Variants in SRGAP3 observed in about 807,000 individuals in gnomAD.
SRGAP3 encodes the protein SLIT-ROBO Rho GTPase-activating protein 3.
In SRGAP3, 39 loss-of-function variants were observed where a neutral mutation model predicts 121.1. The ratio of observed to expected loss-of-function variants is 0.32; its 90% CI spans 0.25 to 0.42. SRGAP3 has a LOEUF of 0.42. SRGAP3 is among the 10% of genes least tolerant of loss of function. The probability of loss-of-function intolerance (pLI) is 1.00; values close to 1 mark genes in which losing one functional copy is unlikely to be tolerated. For synonymous variants in SRGAP3, 601 were observed against 570.0 expected, an observed-to-expected ratio of 1.05 and a Z score of -0.77; for missense variants, 1,213 against 1,470.6, an observed-to-expected ratio of 0.82 and a Z score of 2.86.
chr3:9,305,106 A>G (rs1024762836), intron 3 of SRGAP3, among the ~76,000 whole-genome samples: 2 of 152,198 alleles, frequency 1.3e-5, no homozygotes, highest in Non-Finnish European at 2.9e-5. Flanking sequence ...ATTGGAAGAA[A>G]CATCTAAGAA....
At chr3:9,175,612 A>G (rs1223476452) in intron 1 of SRGAP3, among the ~76,000 whole-genome samples, 1 of 152,222 alleles carries the variant, frequency 6.6e-6, no homozygotes, top group Non-Finnish European at 1.5e-5. Flanking sequence ...CCCCCAGGCA[A>G]TGAGGATGCA....
intron 1 of SRGAP3, among the ~76,000 whole-genome samples, chr3:9,347,606 A>G (rs74407412): frequency 1.3e-5 from 2 of 152,304 alleles, no homozygotes; most frequent in Non-Finnish European, 2.9e-5. Flanking sequence ...TAGAATATGA[A>G]AGACTAGCAG....
At chr3:9,011,115 G>A (rs1386589922) in intron 17 of SRGAP3, among the ~76,000 whole-genome samples, 2 of 152,124 alleles carry the variant, frequency 1.3e-5, no homozygotes, top group African/African-American at 4.8e-5. Context: ...TGCAATGATA[G>A]ATAAGGCGGA....
chr3:9,010,430 C>G, intron 17 of SRGAP3, 43 bp from the exon 18 acceptor site: 1 of 1,610,580 alleles, frequency 6.2e-7, no homozygotes, highest in Non-Finnish European at 8.5e-7. Flanking sequence ...GGGGGGTTAT[C>G]TACCCTCACA....
chr3:9,072,760 T>C (rs1033910236), intron 4 of SRGAP3, among the ~76,000 whole-genome samples: 1 of 152,246 alleles, frequency 6.6e-6, no homozygotes, highest in African/African-American at 2.4e-5. Flanking sequence ...GTTAGCAAGG[T>C]GACTTTCGGT....
intron 1 of SRGAP3, chr3:9,193,499 C>G (rs1174644101): frequency 6.6e-6 from 1 of 152,188 alleles, no homozygotes; most frequent in Non-Finnish European, 1.5e-5. Flanking sequence ...AGGTGGGTGG[C>G]AGGGGCCTAA....
chr3:9,047,564 G>T, intron 9 of SRGAP3, 89 bp from the exon 10 acceptor site: 1 of 1,326,598 alleles, frequency 7.5e-7, no homozygotes, highest in Non-Finnish European at 1.1e-6. Context: ...GGACACGGAA[G>T]CCGAACAGAG....
chr3:9,101,617 CAG>C (rs755883903), intron 3 of SRGAP3, among the ~76,000 whole-genome samples: 14 of 152,210 alleles, frequency 9.2e-5, no homozygotes, highest in African/African-American at 2.4e-4. Context: ...AAACGGGAAA[CAG>C]AGAAAACTGG....
chr3:9,157,151 G>T (rs530578409), intron 1 of SRGAP3, among the ~76,000 whole-genome samples: 6 of 152,298 alleles, frequency 3.9e-5, no homozygotes, highest in African/African-American at 1.2e-4. Flanking sequence ...TTGACTCGCA[G>T]TTGCACAGGC....
intron 1 of SRGAP3, among the ~76,000 whole-genome samples, chr3:9,226,810 A>C (rs1953001880): frequency 6.6e-6 from 1 of 152,078 alleles, no homozygotes; most frequent in Admixed American, 6.6e-5. Context: ...GAGGACCATG[A>C]CCCCATCTCT....
intron 1 of SRGAP3, among the ~76,000 whole-genome samples, chr3:9,172,873 C>A (rs1951034825): frequency 6.6e-6 from 1 of 152,194 alleles, no homozygotes; most frequent in South Asian, 2.1e-4. Context: ...TGGTGCGGGG[C>A]CATTGCAGAG....
chr3:9,158,799 T>G, intron 1 of SRGAP3, among the ~76,000 whole-genome samples: 1 of 152,166 alleles, frequency 6.6e-6, no homozygotes. Context: ...ACAAATCCCT[T>G]GACAACAGGT....
intron 1 of SRGAP3, among the ~76,000 whole-genome samples, chr3:9,188,688 C>A (rs1395146736): frequency 6.6e-6 from 1 of 152,206 alleles, no homozygotes; most frequent in South Asian, 2.1e-4. Context: ...GGTGCCATAT[C>A]TTTTTCCCTT....
At chr3:9,124,075 G>A (rs1392336428) in intron 2 of SRGAP3, among the ~76,000 whole-genome samples, 2 of 152,128 alleles carry the variant, frequency 1.3e-5, no homozygotes, top group Non-Finnish European at 2.9e-5. Flanking sequence ...TCTAAGCACA[G>A]AAGGTTTTGT....
At chr3:9,354,891 T>C (rs939423260) in intron 1 of SRGAP3, among the ~76,000 whole-genome samples, 4 of 152,162 alleles carry the variant, frequency 2.6e-5, no homozygotes, top group African/African-American at 9.7e-5. Flanking sequence ...TGGCTTCAAT[T>C]TCTACATGTA....
chr3:9,051,023 T>C (rs560334839), intron 9 of SRGAP3, among the ~76,000 whole-genome samples: 5,804 of 107,964 alleles, frequency 0.054, 541 homozygotes, highest in African/African-American at 0.21. Context: ...ATTGCTTTTT[T>C]TTTTTTTTTT....
At chr3:9,026,639 C>A (rs1944219803) in intron 13 of SRGAP3, among the ~76,000 whole-genome samples, 1 of 152,194 alleles carries the variant, frequency 6.6e-6, no homozygotes, top group Non-Finnish European at 1.5e-5. Context: ...GATTTACTGG[C>A]AAACTCCATT....
chr3:9,153,885 T>A (rs1243148440), intron 1 of SRGAP3, among the ~76,000 whole-genome samples: 1 of 152,138 alleles, frequency 6.6e-6, no homozygotes, highest in Non-Finnish European at 1.5e-5. Flanking sequence ...TTGAAACCCC[T>A]GTAAGATGGG....
rs776456683 is a variant in SRGAP3, at chr3:8,984,073, C to A, written c.*1446G>T. ...AAAATGGAATCGAAGGAGAGCGACC[C>A]GGAAGGGCTTTACTTGGCCAAGAGG... On this transcript the variant is annotated 3_prime_UTR_variant, in exon 22 of 22. Coordinates refer to ENST00000383836, the MANE Select transcript of SRGAP3 (RefSeq NM_014850.4). 4.3e-6 allele frequency: 1 copy of A among 231,946 alleles called. No homozygotes were observed. Among genetic ancestry groups the A allele is most frequent in the African/African-American group, 2.2e-5 (1 of 45,252 alleles). 14.4% of individuals were successfully genotyped at this position (231,946 alleles called of 1,614,324 possible).
Sources: gnomAD v4.1 joint callset for allele counts (sites outside exome capture counted in the v4.1 genomes callset) on GRCh38, gnomAD v4.1.1 for gene constraint, MANE v1.5 for transcripts, NCBI Gene and HGNC (gene_info 2026-07-23, HGNC 2026-07-21) for gene names.